Variants in ESRRB observed in about 807,000 individuals in gnomAD.
ESRRB encodes steroid hormone receptor ERR2.
Under a neutral mutation model 46.0 loss-of-function variants are expected in ESRRB, and 16 were observed. The ratio of observed to expected loss-of-function variants is 0.35; its 90% CI spans 0.24 to 0.53. ESRRB has a LOEUF of 0.53. ESRRB is among the 20% of genes least tolerant of loss of function. ESRRB has a pLI of 0.93. For missense variants in ESRRB, 488 were observed against 607.4 expected (o/e 0.80, Z 2.07); for synonymous variants, 246 against 259.6 (o/e 0.95, Z 0.50).
chr14:76,419,683 C>G (rs913238173), intron 1 of ESRRB, among the ~76,000 whole-genome samples: 4 of 152,052 alleles, frequency 2.6e-5, no homozygotes, highest in African/African-American at 9.7e-5. Context: ...CTTTGAAGGT[C>G]GTATTCTATA....
At chr14:76,397,726 G>A (rs931523094) in intron 1 of ESRRB, among the ~76,000 whole-genome samples, 1 of 152,142 alleles carries the variant, frequency 6.6e-6, no homozygotes, top group South Asian at 2.1e-4. Flanking sequence ...GCAATGTAGC[G>A]AGACCTTGTC....
At chr14:76,388,175 C>CTTTTTTT (rs35368784) in intron 1 of ESRRB, among the ~76,000 whole-genome samples, 7 of 118,260 alleles carry the variant, frequency 5.9e-5, no homozygotes, top group African/African-American at 1.8e-4. Context: ...TTCTTTCATT[C>CTTTTTTT]TTTTTTTTTT....
At chr14:76,439,841 AC>A in intron 2 of ESRRB, 91 bp downstream of exon 2, 1 of 1,423,722 alleles carries the variant, frequency 7.0e-7, no homozygotes, top group Admixed American at 1.9e-5. Context: ...ATTCCCAGAG[AC>A]TGCCAATTCT....
intron 1 of ESRRB, among the ~76,000 whole-genome samples, chr14:76,386,497 C>T (rs994840837): frequency 6.8e-6 from 1 of 147,874 alleles, no homozygotes; most frequent in African/African-American, 2.5e-5. Context: ...CACTCTGTCA[C>T]CCAGTCTGGA....
chr14:76,363,021 A>C (rs1884481823), intron 1 of ESRRB, among the ~76,000 whole-genome samples: 2 of 152,166 alleles, frequency 1.3e-5, no homozygotes, highest in African/African-American at 4.8e-5. Flanking sequence ...AGAGTTGTTG[A>C]GGAACTAAGT....
chr14:76,393,920 C>T (rs1595074919), intron 1 of ESRRB, among the ~76,000 whole-genome samples: 2 of 152,164 alleles, frequency 1.3e-5, no homozygotes, highest in South Asian at 2.1e-4. Context: ...CCTGCCTCAG[C>T]CTCCCAAGTA....
chr14:76,388,252 C>T lies in ESRRB; in HGVS notation c.50+11801C>T, dbSNP rs1473320168. On this transcript the variant is annotated intron_variant, in intron 1 of 6. Transcript: ENST00000644823. ...GGAGTGCAGTGGCGCAATCTCGGCT[C>T]ACTGCGCGCTCTGCCTCCCAGGTTC... Among the ~76,000 whole-genome samples the T allele has an allele frequency of 2.7e-5, 4 of 148,484 alleles. No homozygotes were observed. In the East Asian group the frequency reaches 7.9e-4, roughly 29 times the overall value.
At chr14:76,469,947 T>G (rs1407525118) in intron 3 of ESRRB, among the ~76,000 whole-genome samples, 4 of 129,490 alleles carry the variant, frequency 3.1e-5, no homozygotes, top group Non-Finnish European at 4.8e-5. Flanking sequence ...TTTTTTTCTT[T>G]TTTTTTTTTT....
chr14:76,436,711 G>A (rs1887690723), intron 1 of ESRRB, among the ~76,000 whole-genome samples: 1 of 152,148 alleles, frequency 6.6e-6, no homozygotes, highest in African/African-American at 2.4e-5. Context: ...CTCCACTGGT[G>A]GTTGGGAAGA....
chr14:76,461,940 G>A (rs1000133160), intron 2 of ESRRB, among the ~76,000 whole-genome samples: 1 of 152,216 alleles, frequency 6.6e-6, no homozygotes, highest in African/African-American at 2.4e-5. Flanking sequence ...TTGTCCATAT[G>A]TGGTCTTGGT....
At chr14:76,428,885 C>G (rs779414507) in intron 1 of ESRRB, among the ~76,000 whole-genome samples, 1 of 152,184 alleles carries the variant, frequency 6.6e-6, no homozygotes, top group Non-Finnish European at 1.5e-5. Flanking sequence ...CTGGTTTTGA[C>G]TAATCTTTCT....
intron 1 of ESRRB, among the ~76,000 whole-genome samples, chr14:76,406,416 T>A (rs143672169): frequency 6.6e-6 from 1 of 152,230 alleles, no homozygotes; most frequent in African/African-American, 2.4e-5. Flanking sequence ...CCTTCCTCTC[T>A]TCATTAAAGA....
intron 1 of ESRRB, among the ~76,000 whole-genome samples, chr14:76,331,412 C>A (rs551483169): frequency 1.3e-5 from 2 of 152,188 alleles, no homozygotes; most frequent in African/African-American, 4.8e-5. Flanking sequence ...TGAACTAACA[C>A]GGGTGGCATG....
intron 1 of ESRRB, among the ~76,000 whole-genome samples, chr14:76,431,413 T>C (rs1396853764): frequency 6.6e-6 from 1 of 152,220 alleles, no homozygotes. Context: ...TTCAGAACTT[T>C]TGAGATTCCC....
At position 76,500,145 on chromosome 14, in the gene ESRRB, T is replaced by A. The variant is rs540222215; in HGVS notation, c.*1687T>A. 1.1e-4 allele frequency: 135 copies of A among 1,284,836 alleles called. No homozygotes were observed. The African/African-American group carries it at 1.7e-3, about 17-fold the overall frequency. 79.6% of individuals were successfully genotyped at this position (1,284,836 alleles called of 1,614,324 possible). Reference sequence around the variant, plus strand: ...CCCCAGGAACCTCCCGGCCTGGGCTTCTGGGCTGGGACGTGCTGAGGTCAT... The same window carrying A: ...CCCCAGGAACCTCCCGGCCTGGGCTACTGGGCTGGGACGTGCTGAGGTCAT... On this transcript the variant is annotated 3_prime_UTR_variant, in exon 7 of 7. Coordinates refer to ENST00000644823, the MANE Select transcript of ESRRB (RefSeq NM_001379180.1).
At chr14:76,416,757 C>G (rs1048650004) in intron 1 of ESRRB, among the ~76,000 whole-genome samples, 2 of 152,212 alleles carry the variant, frequency 1.3e-5, no homozygotes, top group Admixed American at 1.3e-4. Flanking sequence ...GTGTGAGCCA[C>G]TATTCCTGGC....
chr14:76,405,752 CA>C (rs1031451960), intron 1 of ESRRB, among the ~76,000 whole-genome samples: 54 of 138,958 alleles, frequency 3.9e-4, no homozygotes, highest in Admixed American at 3.6e-4. Flanking sequence ...GACTCTGTCT[CA>C]AAAAAAAAAA....
intron 1 of ESRRB, among the ~76,000 whole-genome samples, chr14:76,360,449 A>T (rs534814738): frequency 6.6e-6 from 1 of 152,256 alleles, no homozygotes; most frequent in South Asian, 2.1e-4. Context: ...GAGACAGCAT[A>T]TGAAGAGGCC....
intron 1 of ESRRB, among the ~76,000 whole-genome samples, chr14:76,425,929 G>A (rs1228781425): frequency 1.3e-5 from 2 of 152,146 alleles, no homozygotes; most frequent in African/African-American, 2.4e-5. Context: ...TGGGATTACA[G>A]GTGTGAGCCA....
Sources: gnomAD v4.1 joint callset for allele counts (sites outside exome capture counted in the v4.1 genomes callset) on GRCh38, gnomAD v4.1.1 for gene constraint, MANE v1.5 for transcripts, NCBI Gene and HGNC (gene_info 2026-07-23, HGNC 2026-07-21) for gene names.